The following CUX1 variants were observed in gnomAD, a reference collection of about 807,000 sequenced individuals.
CUX1 encodes the protein protein CASP.
Under a neutral mutation model 158.8 loss-of-function variants are expected in CUX1, and 31 were observed. That is an observed-to-expected ratio of 0.20 (90% CI 0.15 to 0.26). The LOEUF is 0.26. CUX1 is among the 10% of genes least tolerant of loss of function. CUX1 has a pLI of 1.00. For synonymous variants in CUX1, 879 were observed against 862.1 expected (o/e 1.02, Z -0.34); for missense variants, 1,589 against 2,014.6 (o/e 0.79, Z 4.04).
chr7:101,872,656 A>G lies in CUX1; in HGVS notation c.31-43459A>G, dbSNP rs181263789. 2.1e-3 allele frequency among the ~76,000 whole-genome samples: 327 copies of G among 152,200 alleles called. 6 individuals are homozygous for G. Among genetic ancestry groups the G allele is most frequent in the Admixed American group, 0.019 (293 of 15,298 alleles). Reference sequence around the variant, plus strand: ...AAATATTACGAAAAAATAAAGCCACATACACTATCTGTTTTTGTGTGTGTA... The same window carrying G: ...AAATATTACGAAAAAATAAAGCCACGTACACTATCTGTTTTTGTGTGTGTA... On this transcript the variant is annotated intron_variant, in intron 1 of 23. Transcript: ENST00000292535.
chr7:102,115,584 CAT>C (rs1563264161), intron 8 of CUX1: 5 of 269,174 alleles, frequency 1.9e-5, no homozygotes, highest in Non-Finnish European at 3.4e-5. Context: ...GGGTAAATCA[CAT>C]GTCTTTTTCG....
At chr7:102,155,336 GAGTT>G (rs1789626310) in intron 8 of CUX1, among the ~76,000 whole-genome samples, 1 of 150,450 alleles carries the variant, frequency 6.6e-6, no homozygotes, top group Non-Finnish European at 1.5e-5. Flanking sequence ...TTGAGCCCAG[GAGTT>G]TAAGACCAGC....
chr7:102,170,671 T>C, intron 10 of CUX1, 121 bp downstream of exon 10: 1 of 660,708 alleles, frequency 1.5e-6, no homozygotes, highest in Non-Finnish European at 2.5e-6. Flanking sequence ...TAACTAGTAC[T>C]GCTTTCTCGG....
intron 1 of CUX1, among the ~76,000 whole-genome samples, chr7:101,894,096 G>C (rs1163137230): frequency 6.6e-6 from 1 of 152,172 alleles, no homozygotes; most frequent in African/African-American, 2.4e-5. Flanking sequence ...GGCTTTGCAC[G>C]CCTGAAAAGC....
chr7:101,940,245 A>G lies in CUX1; in HGVS notation c.141+24020A>G, dbSNP rs1334095220. Among the ~76,000 whole-genome samples, 3 of 151,216 alleles carry G rather than the reference A, an allele frequency of 2.0e-5. No homozygotes were observed. In the East Asian group the frequency reaches 5.8e-4, roughly 29 times the overall value. ...ACGGAGGGAGACCCTGTCTCAGGAA[A>G]AAAAAAAAAAAGAGGAGGTTTTAAT... is the stretch of plus-strand genomic sequence containing the variant. On this transcript the variant is annotated intron_variant, in intron 2 of 23. Coordinates refer to ENST00000292535, the MANE Select transcript of CUX1 (RefSeq NM_181552.4).
chr7:102,093,076 G>C (rs1828785432), intron 4 of CUX1, among the ~76,000 whole-genome samples: 1 of 151,544 alleles, frequency 6.6e-6, no homozygotes, highest in Non-Finnish European at 1.5e-5. Flanking sequence ...AGAGCAGCTA[G>C]TTGGTTCCGT....
At chr7:102,261,150 T>C (rs1554543757), downstream of CUX1, among the ~76,000 whole-genome samples, 2 of 152,154 alleles carry the variant, frequency 1.3e-5, no homozygotes. Context: ...AGGCAGGCAT[T>C]GCTGAAGTTC....
At chr7:101,969,359 C>CAAAAAAAAAAAAA (rs10711703) in intron 2 of CUX1, among the ~76,000 whole-genome samples, 42 of 56,058 alleles carry the variant, frequency 7.5e-4, no homozygotes, top group South Asian at 1.9e-3. Context: ...CAAAAAACAG[C>CAAAAAAAAAAAAA]AAAAAAAAAA....
chr7:102,189,359 T>G (rs1242543961), intron 11 of CUX1, among the ~76,000 whole-genome samples: 2 of 118,664 alleles, frequency 1.7e-5, no homozygotes, highest in Non-Finnish European at 3.7e-5. Flanking sequence ...TTCTTTTTTT[T>G]GGGTGCGGGG....
At chr7:101,998,441 C>T (rs531205419) in intron 2 of CUX1, among the ~76,000 whole-genome samples, 205 of 152,290 alleles carry the variant, frequency 1.3e-3, no homozygotes, top group Admixed American at 6.0e-3. Flanking sequence ...GGCAGGGATA[C>T]GCATCAAAGA....
chr7:102,155,925 T>C (rs1318022820), intron 8 of CUX1, among the ~76,000 whole-genome samples: 3 of 152,222 alleles, frequency 2.0e-5, no homozygotes, highest in African/African-American at 7.2e-5. Context: ...AGACGCTGCC[T>C]TCTTCATGAA....
intron 4 of CUX1, among the ~76,000 whole-genome samples, chr7:102,080,134 C>T (rs529786085): frequency 6.6e-6 from 1 of 152,334 alleles, no homozygotes; most frequent in African/African-American, 2.4e-5. Context: ...GGCTGCCGTC[C>T]TTCCCAAGGC....
intron 1 of CUX1, among the ~76,000 whole-genome samples, chr7:101,871,222 G>A (rs1798494450): frequency 6.6e-6 from 1 of 151,998 alleles, no homozygotes; most frequent in Admixed American, 6.6e-5. Context: ...TGGCTTATCA[G>A]CAGAATACAG....
At chr7:102,031,499 G>T (rs1305434956) in intron 3 of CUX1, among the ~76,000 whole-genome samples, 1 of 151,952 alleles carries the variant, frequency 6.6e-6, no homozygotes, top group East Asian at 1.9e-4. Context: ...GAAACATCTA[G>T]GCTAAGCTTC....
chr7:102,126,177 C>CTGTGTG (rs3988138), intron 8 of CUX1, among the ~76,000 whole-genome samples: 14,606 of 135,338 alleles, frequency 0.11, 881 homozygotes, highest in Admixed American at 0.13. Flanking sequence ...CCATTTCCGG[C>CTGTGTG]TGTGTGTGTG....
chr7:102,193,241 G>C (rs185007591), intron 12 of CUX1, among the ~76,000 whole-genome samples: 17 of 152,274 alleles, frequency 1.1e-4, no homozygotes, highest in African/African-American at 3.9e-4. Context: ...TTCCCTTTAA[G>C]CTTTACAAAT....
rs111262267 is a variant in CUX1 at position 102,273,347 on chromosome 7, T to C, written c.1256-19T>C. The C allele has an allele frequency of 9.5e-4, 1,522 of 1,609,438 alleles. 9 individuals are homozygous for C. In the African/African-American group the frequency reaches 0.018, roughly 19 times the overall value. ...CCCACCAGGCTCCCTCTGACGGCCATGTCTTCCTTTGGCCACAGGACGCTG... is the reference window on the plus strand; with the variant it reads ...CCCACCAGGCTCCCTCTGACGGCCACGTCTTCCTTTGGCCACAGGACGCTG... On this transcript the variant is annotated intron_variant, in intron 14 of 22. Transcript: ENST00000292538.
At chr7:102,018,280 GT>G (rs1270718985) in intron 2 of CUX1, among the ~76,000 whole-genome samples, 1 of 152,218 alleles carries the variant, frequency 6.6e-6, no homozygotes, top group Non-Finnish European at 1.5e-5. Context: ...GACATGAGCA[GT>G]TATTCAGAAA....
In CUX1 at chr7:102,252,375, C is replaced by G; in HGVS notation, c.*3333C>G. 4.1e-6 allele frequency: 4 copies of G among 985,184 alleles called. No homozygotes were observed. Among genetic ancestry groups the G allele is most frequent in the Non-Finnish European group, 3.6e-6 (3 of 829,912 alleles). 61.0% of individuals were successfully genotyped at this position (985,184 alleles called of 1,614,324 possible). A position where few individuals can be genotyped will look rare whatever the true frequency, so the allele number is the denominator to read the frequency against. Reference sequence around the variant, plus strand: ...GGCTGGCATTCCAAGCAGTGGCCCCCGCAGGCAGCCGACCCCCTTCCTCTT... The same window carrying G: ...GGCTGGCATTCCAAGCAGTGGCCCCGGCAGGCAGCCGACCCCCTTCCTCTT... On this transcript the variant is annotated 3_prime_UTR_variant, in exon 24 of 24. Transcript: ENST00000292535.
Sources: gnomAD v4.1 joint callset for allele counts (sites outside exome capture counted in the v4.1 genomes callset) on GRCh38, gnomAD v4.1.1 for gene constraint, MANE v1.5 for transcripts, NCBI Gene and HGNC (gene_info 2026-07-23, HGNC 2026-07-21) for gene names.